NAA11: variants seen among roughly 807,000 people sequenced by gnomAD.
The protein encoded by NAA11 is N-alpha-acetyltransferase 11.
Under a neutral mutation model 16.1 loss-of-function variants are expected in NAA11, and 15 were observed. The observed-to-expected ratio is 0.93, with a 90% CI of 0.62 to 1.44. The LOEUF (loss-of-function observed/expected upper bound fraction) is 1.44, where lower values mean the gene tolerates loss of function less well. Among genes scored for constraint, NAA11 ranks in the 40% most tolerant of loss-of-function variants. The probability of loss-of-function intolerance (pLI) is 0.00; values close to 1 mark genes in which losing one functional copy is unlikely to be tolerated. For synonymous variants in NAA11, 122 were observed against 112.4 expected (o/e 1.09, Z -0.54); for missense variants, 298 against 291.3 (o/e 1.02, Z -0.17).
chr4:79,282,509 C>G (rs185329861), intron 2 of NAA11, among the ~76,000 whole-genome samples: 2 of 151,978 alleles, frequency 1.3e-5, no homozygotes, highest in Admixed American at 1.3e-4. Context: ...ATGGGTTAGA[C>G]AGCAAAGAGA....
intron 2 of NAA11, among the ~76,000 whole-genome samples, chr4:79,272,405 G>C (rs900267892): frequency 6.6e-5 from 10 of 151,964 alleles, no homozygotes; most frequent in Non-Finnish European, 1.5e-4. Flanking sequence ...GAAAAACTAA[G>C]TACAGTGATT....
At chr4:79,158,050 G>A in the NAA11 span, among the ~76,000 whole-genome samples, 5 of 151,968 alleles carry the variant, frequency 3.3e-5, no homozygotes, top group African/African-American at 7.2e-5. Flanking sequence ...ACAGGTGCTC[G>A]CCACCACGCC....
chr4:79,273,177 A>G (rs1216586245), intron 2 of NAA11, among the ~76,000 whole-genome samples: 1 of 151,920 alleles, frequency 6.6e-6, no homozygotes, highest in Non-Finnish European at 1.5e-5. Context: ...CCACCTTTCG[A>G]TGGGGGAGTG....
In NAA11 at chr4:79,259,862, A is replaced by G. The variant is rs1252509427; in HGVS notation, c.*123-33592T>C. ...TGTTGTTCTCCCTGACTTTTATCCA[A>G]ACCTTCACATTTCTTCATTTCAGGT... On this transcript the variant is annotated intron_variant and NMD_transcript_variant, in intron 2 of 2. Coordinates refer to the NAA11 transcript ENST00000511542. 5.4e-4 allele frequency among the ~76,000 whole-genome samples: 82 copies of G among 152,074 alleles called. 2 individuals are homozygous for G. The highest frequency in any genetic ancestry group is 2.6e-4 in the Admixed American group (4 of 15,274).
intron 2 of NAA11, among the ~76,000 whole-genome samples, chr4:79,254,740 C>T (rs1328673218): frequency 6.7e-6 from 1 of 149,294 alleles, no homozygotes; most frequent in African/African-American, 2.5e-5. Context: ...TACATGTGCA[C>T]AACATGAAGG....
chr4:79,271,261 A>G (rs984737072), intron 2 of NAA11, among the ~76,000 whole-genome samples: 2 of 125,310 alleles, frequency 1.6e-5, no homozygotes, highest in African/African-American at 3.1e-5. Context: ...CCAAATCATG[A>G]GTGAACTCCC....
chr4:79,182,966 A>G, the NAA11 span, among the ~76,000 whole-genome samples: 1 of 152,162 alleles, frequency 6.6e-6, no homozygotes, highest in East Asian at 1.9e-4. Flanking sequence ...CCTCGACCTC[A>G]TGGAAACTTT....
intron 2 of NAA11, among the ~76,000 whole-genome samples, chr4:79,254,552 T>C (rs916519576): frequency 6.6e-6 from 1 of 152,088 alleles, no homozygotes; most frequent in Non-Finnish European, 1.5e-5. Flanking sequence ...ATACATTGTG[T>C]TTTATGTTTT....
downstream of NAA11, among the ~76,000 whole-genome samples, chr4:79,312,646 CAAAAAAAA>C (rs544315352): frequency 1.2e-4 from 8 of 69,414 alleles, no homozygotes; most frequent in Admixed American, 3.5e-4. Context: ...GACTCCATCT[CAAAAAAAA>C]AAAAAAAAAA....
the NAA11 span, among the ~76,000 whole-genome samples, chr4:79,208,925 CAAAAAAAAAAAAA>C: frequency 5.6e-5 from 3 of 53,970 alleles, no homozygotes; most frequent in African/African-American, 5.8e-5. Flanking sequence ...ATATAACTGC[CAAAAAAAAAAAAA>C]AAAAAAAAAC....
At chr4:79,263,718 C>T (rs894632348) in intron 2 of NAA11, among the ~76,000 whole-genome samples, 1 of 152,158 alleles carries the variant, frequency 6.6e-6, no homozygotes, top group African/African-American at 2.4e-5. Flanking sequence ...ATTCCGTTCA[C>T]TTAGCACTAC....
chr4:79,191,173 T>A, the NAA11 span, among the ~76,000 whole-genome samples: 510 of 152,304 alleles, frequency 3.3e-3, 4 homozygotes, highest in African/African-American at 0.011. Flanking sequence ...TTTATATTCC[T>A]CTGGGTATAT....
chr4:79,296,155 T>A (rs1723215546), intron 1 of NAA11, among the ~76,000 whole-genome samples: 2 of 152,358 alleles, frequency 1.3e-5, no homozygotes, highest in East Asian at 3.9e-4. Context: ...ATATACTGAA[T>A]CCTGTATTAT....
At chr4:79,158,137 G>A in the NAA11 span, among the ~76,000 whole-genome samples, 8 of 151,122 alleles carry the variant, frequency 5.3e-5, no homozygotes, top group South Asian at 6.3e-4. Context: ...TCCTGACCTC[G>A]TGATCCGCCT....
intron 2 of NAA11, among the ~76,000 whole-genome samples, chr4:79,285,688 G>A (rs1257994418): frequency 6.6e-6 from 1 of 151,974 alleles, no homozygotes; most frequent in Non-Finnish European, 1.5e-5. Context: ...TAAAAGAAGA[G>A]ATTTAGTACT....
chr4:79,240,450 C>T (rs1403538842), intron 2 of NAA11, among the ~76,000 whole-genome samples: 1 of 152,126 alleles, frequency 6.6e-6, no homozygotes, highest in Non-Finnish European at 1.5e-5. Flanking sequence ...AGCCAGAATA[C>T]AAGGGTCTGG....
In NAA11 at chr4:79,266,235, T is replaced by C. The variant is rs370547073; in HGVS notation, c.*122+27770A>G. On this transcript the variant is annotated intron_variant and NMD_transcript_variant, in intron 2 of 2. Coordinates refer to the NAA11 transcript ENST00000511542. ...TGAAGGAATCCATTATGATCGGCAC[T>C]CGCAGAGATAAATCCCCCGTGATGG... 3.9e-5 allele frequency among the ~76,000 whole-genome samples: 6 copies of C among 152,318 alleles called. No individual in the cohort carries two copies. In the South Asian group the frequency reaches 8.3e-4, roughly 21 times the overall value.
chr4:79,188,810 C>T, the NAA11 span, among the ~76,000 whole-genome samples: 21 of 152,124 alleles, frequency 1.4e-4, no homozygotes, highest in Middle Eastern at 3.4e-3. Context: ...TCTTCAGCCT[C>T]TCAGTAGCAG....
intron 2 of NAA11, among the ~76,000 whole-genome samples, chr4:79,261,930 A>G (rs1722250595): frequency 6.6e-6 from 1 of 152,188 alleles, no homozygotes; most frequent in African/African-American, 2.4e-5. Flanking sequence ...AAGCCTACAT[A>G]TCCGTCTATA....
Sources: gnomAD v4.1 joint callset for allele counts (sites outside exome capture counted in the v4.1 genomes callset) on GRCh38, gnomAD v4.1.1 for gene constraint, MANE v1.5 for transcripts, NCBI Gene and HGNC (gene_info 2026-07-23, HGNC 2026-07-21) for gene names.